PRKG1: variants seen among roughly 807,000 people sequenced by gnomAD.
The protein encoded by PRKG1 is cGMP-dependent protein kinase 1.
In PRKG1, 35 loss-of-function variants were observed where a neutral mutation model predicts 88.1. The observed-to-expected ratio is 0.40, with a 90% CI of 0.30 to 0.53. PRKG1 has a LOEUF of 0.53. Among genes scored for constraint, PRKG1 ranks in the 20% least tolerant of loss-of-function variants. The pLI is 0.59. For synonymous variants in PRKG1, 303 were observed against 292.5 expected (o/e 1.04, Z -0.37); for missense variants, 540 against 839.8 (o/e 0.64, Z 4.41).
At chr10:51,513,153 C>G (rs201818975) in intron 3 of PRKG1, among the ~76,000 whole-genome samples, 1 of 151,048 alleles carries the variant, frequency 6.6e-6, no homozygotes, top group Non-Finnish European at 1.5e-5. Flanking sequence ...GGAGGAAGAT[C>G]TACCAAGCAA....
intron 3 of PRKG1, among the ~76,000 whole-genome samples, chr10:51,679,018 T>C (rs560862269): frequency 1.3e-5 from 2 of 152,342 alleles, no homozygotes; most frequent in East Asian, 3.9e-4. Context: ...TGAATATTTA[T>C]TGATCACCTA....
chr10:51,943,177 G>T lies in PRKG1; in HGVS notation c.762+35607G>T, dbSNP rs540513845. ...TTGAAGAGGTCCTTCACGTCCCTTG[G>T]AAGTTGGATTCCTAGGTATTTTATT... On this transcript the variant is annotated intron_variant, in intron 5 of 17. Transcript: ENST00000373980. 2.2e-4 allele frequency among the ~76,000 whole-genome samples: 34 copies of T among 152,008 alleles called. 1 individual carries two copies. The highest frequency in any genetic ancestry group is 3.4e-3 in the Middle Eastern group (1 of 292).
At chr10:51,294,142 G>A (rs1394069132) in intron 2 of PRKG1, among the ~76,000 whole-genome samples, 1 of 151,956 alleles carries the variant, frequency 6.6e-6, no homozygotes, top group Non-Finnish European at 1.5e-5. Flanking sequence ...TATATAGATT[G>A]CCAATATTTT....
intron 3 of PRKG1, among the ~76,000 whole-genome samples, chr10:51,759,049 G>A (rs1470183889): frequency 6.6e-6 from 1 of 152,092 alleles, no homozygotes; most frequent in African/African-American, 2.4e-5. Context: ...TGGCTGCATA[G>A]TATTCCATGG....
chr10:52,208,246 A>G (rs1839872381), intron 9 of PRKG1, among the ~76,000 whole-genome samples: 2 of 152,190 alleles, frequency 1.3e-5, no homozygotes, highest in African/African-American at 2.4e-5. Context: ...TATGTTACAA[A>G]TGAAAGGAAC....
In PRKG1 at chr10:51,657,843, G is replaced by A. The variant is rs115907042; in HGVS notation, c.593-146742G>A. ...ATTTAGCAGACGGGACTGTTCTGCTGTGCAGAATTATATCTTCCCTCTCAT... is the reference window on the plus strand; with the variant it reads ...ATTTAGCAGACGGGACTGTTCTGCTATGCAGAATTATATCTTCCCTCTCAT... On this transcript the variant is annotated intron_variant, in intron 3 of 17. Transcript: ENST00000373980. Among the ~76,000 whole-genome samples, 856 of 152,270 alleles carry A rather than the reference G, an allele frequency of 5.6e-3. 9 individuals are homozygous for A. Among genetic ancestry groups the A allele is most frequent in the African/African-American group, 0.02 (824 of 41,558 alleles).
At chr10:51,876,425 A>G (rs763592618) in intron 4 of PRKG1, among the ~76,000 whole-genome samples, 8 of 152,244 alleles carry the variant, frequency 5.3e-5, no homozygotes, top group African/African-American at 9.6e-5. Context: ...CATAGTCTGT[A>G]GGATGGAAAT....
intron 2 of PRKG1, among the ~76,000 whole-genome samples, chr10:51,179,025 A>G (rs1220852803): frequency 6.6e-6 from 1 of 152,174 alleles, no homozygotes; most frequent in Non-Finnish European, 1.5e-5. Flanking sequence ...GTATGAGCAA[A>G]TATATTTTGT....
chr10:51,377,570 A>C (rs1051179818), intron 2 of PRKG1, among the ~76,000 whole-genome samples: 5 of 152,098 alleles, frequency 3.3e-5, no homozygotes, highest in Admixed American at 6.5e-5. Flanking sequence ...TATGGGTCAT[A>C]TCTGGTTATG....
intron 2 of PRKG1, among the ~76,000 whole-genome samples, chr10:51,187,055 A>C (rs1207722216): frequency 6.7e-6 from 1 of 149,874 alleles, no homozygotes; most frequent in Non-Finnish European, 1.5e-5. Flanking sequence ...TGGAAATTTT[A>C]ATTAAATTAA....
At chr10:51,733,658 G>A (rs1837179465) in intron 3 of PRKG1, among the ~76,000 whole-genome samples, 1 of 152,150 alleles carries the variant, frequency 6.6e-6, no homozygotes, top group African/African-American at 2.4e-5. Flanking sequence ...ACAGGCTTAA[G>A]TGAAGTTTTG....
intron 3 of PRKG1, among the ~76,000 whole-genome samples, chr10:51,608,413 A>G (rs2132239074): frequency 6.6e-6 from 1 of 152,232 alleles, no homozygotes; most frequent in African/African-American, 2.4e-5. Context: ...AAGTCATGGG[A>G]CAGGGAGTTG....
chr10:51,622,740 G>A (rs1467778789), intron 3 of PRKG1, among the ~76,000 whole-genome samples: 1 of 152,168 alleles, frequency 6.6e-6, no homozygotes, highest in East Asian at 1.9e-4. Context: ...TATTGTCAAA[G>A]GGTGGAGGCA....
At position 52,292,403 on chromosome 10, in the gene PRKG1, G is replaced by A. The variant is rs1312035159; in HGVS notation, c.1963-1399G>A. On this transcript the variant is annotated intron_variant, in intron 17 of 17. Coordinates refer to ENST00000373980, the MANE Select transcript of PRKG1 (RefSeq NM_006258.4). ...GGGTTTTTATGGTTTTAGGTCTAAC[G>A]TTTAAGTCTTTAATCCATCTTGAAT... 5.3e-5 allele frequency among the ~76,000 whole-genome samples: 8 copies of A among 151,630 alleles called. No individual in the cohort carries two copies. In the South Asian group the frequency reaches 6.2e-4, roughly 12 times the overall value.
chr10:51,683,419 T>C (rs1464859798), intron 3 of PRKG1, among the ~76,000 whole-genome samples: 1 of 152,190 alleles, frequency 6.6e-6, no homozygotes, highest in Non-Finnish European at 1.5e-5. Context: ...GATGACAGTG[T>C]TACTAAGCAA....
chr10:52,187,460 G>T (rs1372867934), intron 9 of PRKG1, among the ~76,000 whole-genome samples: 1 of 152,168 alleles, frequency 6.6e-6, no homozygotes, highest in African/African-American at 2.4e-5. Flanking sequence ...TATGATACAA[G>T]TGTATATTGT....
intron 3 of PRKG1, among the ~76,000 whole-genome samples, chr10:51,481,942 G>A (rs1208139082): frequency 6.6e-6 from 1 of 152,108 alleles, no homozygotes; most frequent in Non-Finnish European, 1.5e-5. Flanking sequence ...ATATCACCAT[G>A]ATAATTTTTT....
intron 1 of PRKG1, among the ~76,000 whole-genome samples, chr10:51,110,347 CATGAAATACTACTCAATAATAAAAAGCA>C (rs563815902): frequency 7.2e-5 from 11 of 152,244 alleles, no homozygotes; most frequent in African/African-American, 2.4e-4. Context: ...TATATGCACA[CATGAAATACTACTCAATAATAAAAAGCA>C]ATAAGCTGCT....
chr10:51,047,673 A>T (rs888227010), intron 1 of PRKG1, among the ~76,000 whole-genome samples: 1 of 151,512 alleles, frequency 6.6e-6, no homozygotes, highest in Non-Finnish European at 1.5e-5. Context: ...GTCCTCCATG[A>T]CAGTCATCTT....
Sources: allele counts gnomAD v4.1 joint callset (sites outside exome capture counted in the v4.1 genomes callset), GRCh38; gene constraint gnomAD v4.1.1; transcripts MANE v1.5; gene names NCBI Gene and HGNC (gene_info 2026-07-23, HGNC 2026-07-21).